Variants in WDR43 observed in about 807,000 individuals in gnomAD.
WDR43 encodes WD repeat domain 43.
In WDR43, 13 loss-of-function variants were observed where a neutral mutation model predicts 91.4. That is an observed-to-expected ratio of 0.14 (90% CI 0.09 to 0.23). The LOEUF is 0.23. WDR43 is among the 10% of genes least tolerant of loss of function. The pLI is 1.00. For missense variants in WDR43, 780 were observed against 809.4 expected (o/e 0.96, Z 0.44); for synonymous variants, 331 against 287.9 (o/e 1.15, Z -1.51).
intron 16 of WDR43, among the ~76,000 whole-genome samples, chr2:28,942,615 TTTTC>T (rs1671461091): frequency 1.5e-5 from 1 of 66,262 alleles, no homozygotes; most frequent in African/African-American, 5.2e-5. Flanking sequence ...TTTTTTTTTC[TTTTC>T]TTTTTTTTTT....
chr2:28,895,097 G>A (rs1014856405), intron 1 of WDR43, 174 bp downstream of exon 1: 3 of 555,838 alleles, frequency 5.4e-6, no homozygotes, highest in African/African-American at 2.0e-5. Flanking sequence ...CGTGCGGCCT[G>A]CCGCGAGGGC....
chr2:28,927,416 A>T (rs773322664), intron 9 of WDR43, 153 bp from the exon 10 acceptor site: 8 of 964,620 alleles, frequency 8.3e-6, no homozygotes, highest in Non-Finnish European at 1.0e-5. Context: ...GTTTGTCAAC[A>T]TTCAATTTAA....
At chr2:28,898,430 A>G (rs1670520156) in intron 1 of WDR43, among the ~76,000 whole-genome samples, 1 of 152,238 alleles carries the variant, frequency 6.6e-6, no homozygotes, top group Non-Finnish European at 1.5e-5. Flanking sequence ...GATTGGCAGA[A>G]ATAGAAGTTT....
chr2:28,903,727 G>C (rs1219862904), intron 2 of WDR43, among the ~76,000 whole-genome samples: 1 of 152,134 alleles, frequency 6.6e-6, no homozygotes, highest in Non-Finnish European at 1.5e-5. Context: ...TAATTGGATA[G>C]GTTTTTTGTG....
At chr2:28,895,914 C>T (rs906028935) in intron 1 of WDR43, 5 of 152,168 alleles carry the variant, frequency 3.3e-5, no homozygotes, top group Admixed American at 3.3e-4. Flanking sequence ...TATTTAGGAT[C>T]TTACTCTCTC....
Position 28,902,110 on chromosome 2 carries a change from C to T in WDR43, c.349C>T (p.His117Tyr), listed in dbSNP as rs147302501. 1.9e-3 allele frequency: 2,956 copies of T among 1,572,944 alleles called. 5 individuals are homozygous for T. The highest frequency in any genetic ancestry group is 2.3e-3 in the Non-Finnish European group (2,705 of 1,160,906). Residue 117 changes from histidine to tyrosine, a missense_variant, in exon 2 of 18, where the codon CAC (histidine) becomes TAC (tyrosine). Transcript: ENST00000407426. Reference protein sequence around the residue: ...LLYSTVKGELHSKLISGGHDN... With the variant: ...LLYSTVKGELYSKLISGGHDN... ...ATACAGCACAGTAAAAGGAGAGTTA[C>T]ACAGTAAATTAATAGTAAGTGTGTG...
At chr2:28,945,053 G>C (rs1671520676) in intron 16 of WDR43, among the ~76,000 whole-genome samples, 1 of 152,194 alleles carries the variant, frequency 6.6e-6, no homozygotes, top group Admixed American at 6.5e-5. Flanking sequence ...ATATGTACAT[G>C]TGTAATTCAT....
At chr2:28,944,808 G>A (rs1671511657) in intron 16 of WDR43, among the ~76,000 whole-genome samples, 1 of 152,246 alleles carries the variant, frequency 6.6e-6, no homozygotes, top group East Asian at 1.9e-4. Flanking sequence ...CGACTAACGG[G>A]TGGCTAGTGT....
At position 28,947,815 on chromosome 2, in the gene WDR43, T is replaced by C. The variant is rs1671574669; in HGVS notation, c.*1036T>C. 6.6e-6 allele frequency: 1 copy of C among 151,586 alleles called. No homozygotes were observed. Among genetic ancestry groups the C allele is most frequent in the South Asian group, 2.1e-4 (1 of 4,816 alleles). The allele number at this position is 151,586 out of a possible 1,614,324, so 9.4% of individuals were successfully genotyped here. ...TCTCACTCAAGATTTTTTATGTATG[T>C]ATAAATATTTTGGTGTGCTACAAAA... On this transcript the variant is annotated 3_prime_UTR_variant, in exon 18 of 18. Transcript: ENST00000407426.
In WDR43 at chr2:28,936,912, T is replaced by C. The variant is rs1344847022; in HGVS notation, c.1525-10T>C. On this transcript the variant is annotated splice_polypyrimidine_tract_variant and intron_variant, in intron 12 of 17. Coordinates refer to ENST00000407426, the MANE Select transcript of WDR43 (RefSeq NM_015131.3). ...AGTGCTGTTGTTAATAGTGTTTTTC[T>C]CTCCCTTAGCTTACAAAGAGGTTAC... The C allele has an allele frequency of 1.9e-6, 3 of 1,568,462 alleles. No homozygotes were observed. Among genetic ancestry groups the C allele is most frequent in the Non-Finnish European group, 2.6e-6 (3 of 1,155,020 alleles).
chr2:28,898,791 A>G (rs1284086579), intron 1 of WDR43, among the ~76,000 whole-genome samples: 1 of 152,040 alleles, frequency 6.6e-6, no homozygotes, highest in Non-Finnish European at 1.5e-5. Flanking sequence ...TTTTTATGAG[A>G]GTGTAGTGAC....
At chr2:28,928,677 T>C (rs1335653596) in intron 10 of WDR43, among the ~76,000 whole-genome samples, 3 of 152,068 alleles carry the variant, frequency 2.0e-5, no homozygotes. Context: ...TGTTGTTGTT[T>C]TTGTTTGTTT....
chr2:28,897,012 C>T (rs1358935913), intron 1 of WDR43, among the ~76,000 whole-genome samples: 1 of 152,148 alleles, frequency 6.6e-6, no homozygotes, highest in Non-Finnish European at 1.5e-5. Context: ...AATGACTTGA[C>T]TCAAGCCTTA....
At position 28,933,450 on chromosome 2, in the gene WDR43, C is replaced by T. The variant is rs78488190; in HGVS notation, c.1438-2071C>T. Among the ~76,000 whole-genome samples the T allele has an allele frequency of 5.6e-4, 85 of 152,272 alleles. 1 individual carries two copies. The highest frequency in any genetic ancestry group is 2.0e-3 in the African/African-American group (82 of 41,570). On this transcript the variant is annotated intron_variant, in intron 11 of 17. Transcript: ENST00000407426. ...AAACTTCTGGGAAAAAACAGGAGAA[C>T]ATCTTTGTGAACAAGAGTGGGGAAA...
intron 16 of WDR43, 66 bp from the exon 17 acceptor site, chr2:28,946,384 T>G (rs1044107826): frequency 2.0e-6 from 3 of 1,472,508 alleles, no homozygotes; most frequent in Non-Finnish European, 1.8e-6. Flanking sequence ...CTGGTTCTGC[T>G]TAATTTCCAG....
chr2:28,902,185 A>G, intron 2 of WDR43, 61 bp downstream of exon 2: 1 of 1,482,256 alleles, frequency 6.7e-7, no homozygotes, highest in Non-Finnish European at 9.0e-7. Context: ...ATTAGAGATT[A>G]TTAAAAAAAA....
chr2:28,921,971 A>G (rs1000056693), intron 6 of WDR43, among the ~76,000 whole-genome samples: 1 of 152,160 alleles, frequency 6.6e-6, no homozygotes, highest in African/African-American at 2.4e-5. Context: ...GCCTCGGCCA[A>G]AGTGCTGGGA....
intron 3 of WDR43, among the ~76,000 whole-genome samples, chr2:28,906,967 T>C (rs567380581): frequency 1.3e-3 from 194 of 151,938 alleles, no homozygotes; most frequent in Non-Finnish European, 6.5e-4. Context: ...CAAGAACAAA[T>C]GGAGGGAGAC....
intron 14 of WDR43, among the ~76,000 whole-genome samples, chr2:28,939,085 TG>T (rs1447923648): frequency 2.0e-5 from 1 of 48,798 alleles, no homozygotes; most frequent in Non-Finnish European, 4.6e-5. Context: ...GGAGCACTGG[TG>T]AGAGGGGTTT....
Sources: allele counts gnomAD v4.1 joint callset (sites outside exome capture counted in the v4.1 genomes callset), GRCh38; gene constraint gnomAD v4.1.1; transcripts MANE v1.5; gene names NCBI Gene and HGNC (gene_info 2026-07-23, HGNC 2026-07-21).